The following FIGN variants were observed in gnomAD, a reference collection of about 807,000 sequenced individuals.
The protein encoded by FIGN is fidgetin, microtubule severing factor, also known as fidgetin.
FIGN carries 11 observed loss-of-function variants against 51.3 expected under a neutral mutation model. The ratio of observed to expected loss-of-function variants is 0.21; its 90% CI spans 0.13 to 0.35. The LOEUF (loss-of-function observed/expected upper bound fraction) is 0.35. FIGN is among the 10% of genes least tolerant of loss of function. FIGN has a pLI of 1.00. For synonymous variants in FIGN, 407 were observed against 363.2 expected (o/e 1.12, Z -1.37); for missense variants, 857 against 943.6 (o/e 0.91, Z 1.20).
intron 2 of FIGN, among the ~76,000 whole-genome samples, chr2:163,717,279 G>A (rs532575085): frequency 6.6e-6 from 1 of 152,296 alleles, no homozygotes; most frequent in Non-Finnish European, 1.5e-5. Context: ...ATGTGAATGT[G>A]TGTGGGGGTG....
chr2:163,721,869 C>T (rs1284270555), intron 2 of FIGN, among the ~76,000 whole-genome samples: 3 of 151,952 alleles, frequency 2.0e-5, no homozygotes, highest in South Asian at 4.2e-4. Context: ...GGTTATTTAA[C>T]GAAATAATGT....
At chr2:163,638,523 C>A (rs1369571427) in intron 2 of FIGN, among the ~76,000 whole-genome samples, 14 of 152,064 alleles carry the variant, frequency 9.2e-5, no homozygotes, top group Admixed American at 9.2e-4. Context: ...GCACTAAGCA[C>A]TTCAAATCCT....
At chr2:163,685,853 G>A (rs1156924550) in intron 2 of FIGN, among the ~76,000 whole-genome samples, 1 of 152,112 alleles carries the variant, frequency 6.6e-6, no homozygotes, top group Non-Finnish European at 1.5e-5. Flanking sequence ...TCTCAGCAAT[G>A]GGTTTCTAGA....
chr2:163,620,416 A>G (rs973941178), intron 2 of FIGN, among the ~76,000 whole-genome samples: 2 of 152,122 alleles, frequency 1.3e-5, no homozygotes, highest in Non-Finnish European at 2.9e-5. Context: ...CTGTGTCACA[A>G]CAGAGCACTA....
intron 2 of FIGN, among the ~76,000 whole-genome samples, chr2:163,618,258 AC>A (rs1281442025): frequency 6.6e-6 from 1 of 152,168 alleles, no homozygotes; most frequent in Non-Finnish European, 1.5e-5. Context: ...TCATTTTAAA[AC>A]CTGCAGTTTC....
At chr2:163,715,153 C>G (rs1011118544) in intron 2 of FIGN, among the ~76,000 whole-genome samples, 2 of 152,176 alleles carry the variant, frequency 1.3e-5, no homozygotes, top group Non-Finnish European at 2.9e-5. Flanking sequence ...TCATGTTGAT[C>G]TACCATAAAG....
intron 2 of FIGN, among the ~76,000 whole-genome samples, chr2:163,730,546 A>G (rs1248248267): frequency 6.7e-6 from 1 of 148,564 alleles, no homozygotes; most frequent in Non-Finnish European, 1.5e-5. Flanking sequence ...GTGAATTGAA[A>G]GGCAGAATTT....
At chr2:163,698,174 A>G (rs1202180502) in intron 2 of FIGN, among the ~76,000 whole-genome samples, 1 of 152,128 alleles carries the variant, frequency 6.6e-6, no homozygotes, top group East Asian at 1.9e-4. Flanking sequence ...GGATCTGTTC[A>G]TTCCTCCAAC....
chr2:163,616,492 TA>T (rs1307395573), intron 2 of FIGN, among the ~76,000 whole-genome samples: 1 of 152,164 alleles, frequency 6.6e-6, no homozygotes, highest in Non-Finnish European at 1.5e-5. Flanking sequence ...TCCCATAGGG[TA>T]ATTTTGGCTG....
Position 163,610,146 on chromosome 2 carries a change from T to G in FIGN, c.1686A>C (p.Glu562Asp), listed in dbSNP as rs1317489386. Residue 562 changes from glutamate (E) to aspartate (D), a missense_variant, in exon 3 of 3, where the codon GAA (glutamate) becomes GAC (aspartate). Glu to Asp is a conservative substitution (Grantham distance 45). Around this residue, in one of 3 missense-constraint regions of FIGN, gnomAD observed 799 missense variants for 849.5 expected, o/e 0.94. Transcript: ENST00000333129. ...AAGAGGCATGGATAATTTTCTCTGC[T>G]TCTCCTAACCACTTGGCGACTAGTC... ...GSGLVAKWLG[E>D]AEKIIHASFL... 5.6e-6 allele frequency: 9 copies of G among 1,613,998 alleles called. No individual in the cohort carries two copies. The highest frequency in any genetic ancestry group is 7.6e-6 in the Non-Finnish European group (9 of 1,180,016).
intron 2 of FIGN, among the ~76,000 whole-genome samples, chr2:163,706,887 G>T (rs1573963294): frequency 6.6e-6 from 1 of 152,180 alleles, no homozygotes; most frequent in East Asian, 1.9e-4. Flanking sequence ...AAAAAATTAT[G>T]CCAGTATGAC....
At chr2:163,704,228 T>C (rs947249580) in intron 2 of FIGN, among the ~76,000 whole-genome samples, 8 of 152,310 alleles carry the variant, frequency 5.3e-5, no homozygotes, top group African/African-American at 1.9e-4. Flanking sequence ...AGCATTTAGA[T>C]AGAGCTTTCC....
chr2:163,694,393 T>G (rs1053405178), intron 2 of FIGN, among the ~76,000 whole-genome samples: 7 of 152,210 alleles, frequency 4.6e-5, no homozygotes, highest in African/African-American at 1.7e-4. Flanking sequence ...TTCTAGGGGC[T>G]CTAAGAGGTC....
chr2:163,714,133 T>G (rs749877075), intron 2 of FIGN, among the ~76,000 whole-genome samples: 1 of 152,164 alleles, frequency 6.6e-6, no homozygotes, highest in Admixed American at 6.5e-5. Context: ...CCTTAAACCT[T>G]CATGGCAGTT....
intron 2 of FIGN, among the ~76,000 whole-genome samples, chr2:163,616,525 G>A (rs1032755171): frequency 6.6e-6 from 1 of 151,978 alleles, no homozygotes; most frequent in Non-Finnish European, 1.5e-5. Flanking sequence ...GCCTTCATTT[G>A]TAGGTTTTCT....
At chr2:163,719,041 C>T (rs550649923) in intron 2 of FIGN, among the ~76,000 whole-genome samples, 139 of 152,190 alleles carry the variant, frequency 9.1e-4, no homozygotes, top group Admixed American at 2.8e-3. Context: ...TGTACATATA[C>T]TCAATCTAAT....
intron 2 of FIGN, among the ~76,000 whole-genome samples, chr2:163,615,455 A>T (rs1233138876): frequency 6.6e-6 from 1 of 152,186 alleles, no homozygotes; most frequent in East Asian, 1.9e-4. Flanking sequence ...ATTGGTAACC[A>T]AATTTATTTT....
chr2:163,727,225 T>C (rs576887208), intron 2 of FIGN, among the ~76,000 whole-genome samples: 1 of 152,212 alleles, frequency 6.6e-6, no homozygotes, highest in Non-Finnish European at 1.5e-5. Context: ...AAACATTTAA[T>C]ATGAAAATAC....
intron 2 of FIGN, among the ~76,000 whole-genome samples, chr2:163,670,014 TA>T (rs1253939740): frequency 2.6e-5 from 4 of 152,102 alleles, no homozygotes; most frequent in African/African-American, 7.2e-5. Context: ...AGTATCTAAA[TA>T]AAAAACAAGA....
Sources: allele counts gnomAD v4.1 joint callset (sites outside exome capture counted in the v4.1 genomes callset), GRCh38; gene constraint gnomAD v4.1.1; regional missense constraint gnomAD v4.1.1; transcripts MANE v1.5; gene names NCBI Gene and HGNC (gene_info 2026-07-23, HGNC 2026-07-21).